Variants in NEGR1 observed in about 807,000 individuals in gnomAD.
NEGR1 encodes IgLON family member 4.
Under a neutral mutation model 40.9 loss-of-function variants are expected in NEGR1, and 10 were observed. That is an observed-to-expected ratio of 0.24 (90% CI 0.15 to 0.42). NEGR1 has a LOEUF of 0.42. Among genes scored for constraint, NEGR1 ranks in the 10% least tolerant of loss-of-function variants. The pLI is 1.00. For synonymous variants in NEGR1, 185 were observed against 166.8 expected, an observed-to-expected ratio of 1.11 and a Z score of -0.84; for missense variants, 352 against 438.9, an observed-to-expected ratio of 0.80 and a Z score of 1.77.
At chr1:71,587,547 A>T (rs1649347163) in intron 6 of NEGR1, among the ~76,000 whole-genome samples, 1 of 152,134 alleles carries the variant, frequency 6.6e-6, no homozygotes, top group South Asian at 2.1e-4. Context: ...AAGGCTGCTA[A>T]GGCAGGGAAA....
intron 1 of NEGR1, among the ~76,000 whole-genome samples, chr1:72,272,265 T>A (rs1160252577): frequency 1.3e-5 from 2 of 151,760 alleles, no homozygotes; most frequent in Non-Finnish European, 2.9e-5. Flanking sequence ...TTCCTCCCCA[T>A]CTCTACTCTG....
At chr1:71,715,736 A>G (rs1475492624) in intron 3 of NEGR1, among the ~76,000 whole-genome samples, 2 of 152,202 alleles carry the variant, frequency 1.3e-5, no homozygotes, top group African/African-American at 4.8e-5. Flanking sequence ...CAGGTTCCTC[A>G]TCTATATCTG....
At chr1:71,435,439 A>C (rs1646503188) in intron 6 of NEGR1, among the ~76,000 whole-genome samples, 1 of 152,192 alleles carries the variant, frequency 6.6e-6, no homozygotes, top group Non-Finnish European at 1.5e-5. Flanking sequence ...AAGAGGTAGC[A>C]GACAAATTCT....
chr1:71,546,828 C>A (rs1410775215), intron 6 of NEGR1, among the ~76,000 whole-genome samples: 1 of 151,544 alleles, frequency 6.6e-6, no homozygotes, highest in Non-Finnish European at 1.5e-5. Context: ...AGAAAGCCTG[C>A]AGGACTTGAG....
At chr1:71,510,581 G>T (rs1271405902) in intron 6 of NEGR1, among the ~76,000 whole-genome samples, 3 of 152,154 alleles carry the variant, frequency 2.0e-5, no homozygotes, top group African/African-American at 7.2e-5. Flanking sequence ...TCATTATTGG[G>T]AAATTGAAAC....
chr1:71,642,882 G>A (rs765668072), intron 4 of NEGR1, among the ~76,000 whole-genome samples: 1 of 151,904 alleles, frequency 6.6e-6, no homozygotes, highest in Admixed American at 6.6e-5. Flanking sequence ...GTAGCAGCAA[G>A]AGTCCCAGGC....
intron 4 of NEGR1, among the ~76,000 whole-genome samples, chr1:71,692,243 CTA>C (rs1196772914): frequency 6.6e-6 from 1 of 151,626 alleles, no homozygotes; most frequent in African/African-American, 2.4e-5. Flanking sequence ...AAAGACAACT[CTA>C]TGCCTTTTTC....
At chr1:72,066,418 C>T (rs574960051) in intron 1 of NEGR1, among the ~76,000 whole-genome samples, 1 of 152,258 alleles carries the variant, frequency 6.6e-6, no homozygotes, top group East Asian at 1.9e-4. Context: ...ATTAAGACCA[C>T]ATTTTAACTT....
intron 2 of NEGR1, among the ~76,000 whole-genome samples, chr1:71,865,170 T>A (rs1198487873): frequency 6.6e-6 from 1 of 152,166 alleles, no homozygotes; most frequent in African/African-American, 2.4e-5. Flanking sequence ...ATAAAGTAGA[T>A]CATATCTGAA....
rs357242 is a variant in NEGR1, at chr1:71,538,960, G to C, written c.940+53857C>G. Among the ~76,000 whole-genome samples the C allele has an allele frequency of 3.5e-3, 531 of 151,762 alleles. 3 individuals carry two copies. Among genetic ancestry groups the C allele is most frequent in the African/African-American group, 0.012 (499 of 41,472 alleles). ...CATTACTAATAGGTTATAATAGTTG[G>C]TTCAAATACTTCACTAGGTTACTTT... On this transcript the variant is annotated intron_variant, in intron 6 of 6. Coordinates refer to ENST00000357731, the MANE Select transcript of NEGR1 (RefSeq NM_173808.3).
chr1:71,643,375 C>A (rs1361011003), intron 4 of NEGR1, among the ~76,000 whole-genome samples: 1 of 151,704 alleles, frequency 6.6e-6, no homozygotes, highest in Non-Finnish European at 1.5e-5. Flanking sequence ...TACTTTCGTC[C>A]AGAAAAAAAT....
intron 1 of NEGR1, among the ~76,000 whole-genome samples, chr1:72,271,737 T>G (rs1368165981): frequency 6.6e-6 from 1 of 151,898 alleles, no homozygotes; most frequent in Admixed American, 6.6e-5. Flanking sequence ...TATCCCAGAA[T>G]TCCCACGTGT....
chr1:72,177,402 C>T (rs1217024875), intron 1 of NEGR1, among the ~76,000 whole-genome samples: 1 of 151,980 alleles, frequency 6.6e-6, no homozygotes, highest in Non-Finnish European at 1.5e-5. Context: ...TAATGTGTAT[C>T]ACAGTTTAAC....
intron 4 of NEGR1, among the ~76,000 whole-genome samples, chr1:71,656,668 G>T (rs1234293189): frequency 6.6e-5 from 10 of 152,154 alleles, no homozygotes; most frequent in African/African-American, 2.2e-4. Flanking sequence ...CCGAAGTGCT[G>T]GGATTACAGG....
chr1:71,743,612 A>T (rs1200415705), intron 3 of NEGR1, among the ~76,000 whole-genome samples: 1 of 152,128 alleles, frequency 6.6e-6, no homozygotes, highest in East Asian at 1.9e-4. Flanking sequence ...TTTAAATGCT[A>T]TTGTTGTTCT....
intron 1 of NEGR1, among the ~76,000 whole-genome samples, chr1:71,943,346 T>G (rs1416054542): frequency 1.3e-5 from 2 of 150,812 alleles, no homozygotes; most frequent in African/African-American, 4.9e-5. Context: ...TTTATATATA[T>G]ACATATATAT....
At chr1:71,675,040 A>G (rs1273777432) in intron 4 of NEGR1, among the ~76,000 whole-genome samples, 1 of 148,238 alleles carries the variant, frequency 6.7e-6, no homozygotes, top group African/African-American at 2.5e-5. Context: ...TTGCATAAAT[A>G]TATATGTGAT....
chr1:72,002,710 T>C (rs539372367), intron 1 of NEGR1, among the ~76,000 whole-genome samples: 12 of 152,304 alleles, frequency 7.9e-5, no homozygotes, highest in Non-Finnish European at 1.3e-4. Flanking sequence ...GTATTACTAA[T>C]CAATAATGTC....
intron 1 of NEGR1, among the ~76,000 whole-genome samples, chr1:72,004,036 C>A (rs1260524425): frequency 6.6e-6 from 1 of 151,780 alleles, no homozygotes; most frequent in Non-Finnish European, 1.5e-5. Flanking sequence ...GATCAGTATG[C>A]CTCATTAGTT....
Sources: gnomAD v4.1 joint callset for allele counts (sites outside exome capture counted in the v4.1 genomes callset) on GRCh38, gnomAD v4.1.1 for gene constraint, MANE v1.5 for transcripts, NCBI Gene and HGNC (gene_info 2026-07-23, HGNC 2026-07-21) for gene names.